The following LXN variants were observed in gnomAD, a reference collection of about 807,000 sequenced individuals.
LXN encodes the protein latexin.
In LXN, 28 loss-of-function variants were observed where a neutral mutation model predicts 29.8. The observed-to-expected ratio is 0.94, with a 90% CI of 0.70 to 1.29. LXN has a LOEUF of 1.29. Ranked by LOEUF, LXN falls within the 50% of genes most tolerant of loss-of-function variation. LXN has a pLI of 0.00. For synonymous variants in LXN, 77 were observed against 89.6 expected, an observed-to-expected ratio of 0.86 and a Z score of 0.80; for missense variants, 227 against 261.7, an observed-to-expected ratio of 0.87 and a Z score of 0.92.
At chr3:158,672,306 C>T (rs750286675) in intron 1 of LXN, 44 bp downstream of exon 1, 1 of 1,607,178 alleles carries the variant, frequency 6.2e-7, no homozygotes, top group Non-Finnish European at 8.5e-7. Context: ...GGAGGGAGCG[C>T]AATCCTGAAG....
chr3:158,667,107 A>G (rs1723776824), intron 4 of LXN, 33 bp from the exon 5 acceptor site: 2 of 1,536,266 alleles, frequency 1.3e-6, no homozygotes, highest in African/African-American at 2.8e-5. Context: ...GTTGTTTAAA[A>G]CTTAATATCT....
chr3:158,669,256 T>C (rs1044031756), intron 3 of LXN, 124 bp from the exon 4 acceptor site: 1 of 1,223,866 alleles, frequency 8.2e-7, no homozygotes, highest in Non-Finnish European at 1.1e-6. Context: ...TTAATTAAGC[T>C]ATGGATCTAT....
rs1033812532 is a variant in LXN at position 158,672,203 on chromosome 3, C to G, written c.129+147G>C. 3.0e-6 allele frequency: 3 copies of G among 1,002,112 alleles called. No individual in the cohort carries two copies. The African/African-American group carries it at 4.8e-5, about 16-fold the overall frequency. The allele number at this position is 1,002,112 out of a possible 1,614,324, so 62.1% of individuals were successfully genotyped here. ...CATTCCCCCAGAAACCTTAATATCT[C>G]AAGACCAGATACCAGCAGTGTGTCC... On this transcript the variant is annotated intron_variant, in intron 1 of 5. Transcript: ENST00000264265.
At position 158,672,276 on chromosome 3, in the gene LXN, G is replaced by C. The variant is rs1293555287; in HGVS notation, c.129+74C>G. On this transcript the variant is annotated intron_variant, in intron 1 of 5. Coordinates refer to ENST00000264265, the MANE Select transcript of LXN (RefSeq NM_020169.4). Reference sequence around the variant, plus strand: ...GTGGCACGGAGTGTCTGCACCCAAAGGCTGAGACCGCGGGTGAGTGGAGGG... The same window carrying C: ...GTGGCACGGAGTGTCTGCACCCAAACGCTGAGACCGCGGGTGAGTGGAGGG... The C allele has an allele frequency of 2.5e-6, 4 of 1,583,702 alleles. No individual in the cohort carries two copies. In the African/African-American group the frequency reaches 4.0e-5, roughly 16 times the overall value.
At chr3:158,671,065 C>CA (rs1221836674) in intron 1 of LXN, 46 bp from the exon 2 acceptor site, 4 of 1,440,704 alleles carry the variant, frequency 2.8e-6, no homozygotes, top group Non-Finnish European at 3.7e-6. Context: ...ATTATAACAA[C>CA]ATTATACTTG....
rs772489397 is a variant in LXN at position 158,669,094 on chromosome 3, G to C, written c.409C>G (p.Leu137Val). The C allele has an allele frequency of 5.2e-5, 84 of 1,613,042 alleles. No homozygotes were observed. The Admixed American group carries it at 1.4e-3, about 27-fold the overall frequency. ...GNVSPEMTLVLHLAWVACGYI... is the reference protein window; with the variant it reads ...GNVSPEMTLVVHLAWVACGYI... ...CCACAGGCAACCCAGGCTAAATGTA[G>C]AACGAGCGTCATTTCTGGAGATACA... The change falls in exon 4 of 6, where the codon CTA (leucine) becomes GTA (valine). Residue 137 changes from leucine to valine, a missense_variant. Leu to Val is a conservative substitution (Grantham distance 32). Coordinates refer to ENST00000264265, the MANE Select transcript of LXN (RefSeq NM_020169.4).
In LXN at chr3:158,672,336, C is replaced by T. The variant is rs188844384; in HGVS notation, c.129+14G>A. The stretch of plus-strand genomic sequence containing the variant: ...CTGAAGCCTCTGCTGTCCACCACCC[C>T]CTGCTAAACTCACCTCCATGCTGGC... On this transcript the variant is annotated intron_variant, in intron 1 of 5. Coordinates refer to ENST00000264265, the MANE Select transcript of LXN (RefSeq NM_020169.4). 5.5e-4 allele frequency: 881 copies of T among 1,613,238 alleles called. No homozygotes were observed. Among genetic ancestry groups the T allele is most frequent in the Non-Finnish European group, 5.9e-4 (696 of 1,179,428 alleles).
chr3:158,669,613 G>A lies in LXN; in HGVS notation c.193-3C>T, dbSNP rs377765602. On this transcript the variant is annotated splice_polypyrimidine_tract_variant and splice_region_variant and intron_variant, in intron 2 of 5. Transcript: ENST00000264265. ...GCTGTGCAGTTCACCTTAACTTGCT[G>A]TTTGAAATTTAGCAAAATATCCTTA... is the stretch of plus-strand genomic sequence containing the variant. 1 of 1,612,714 alleles carries A rather than the reference G, an allele frequency of 6.2e-7. No individual in the cohort carries two copies. The highest frequency in any genetic ancestry group is 2.2e-5 in the East Asian group (1 of 44,842).
chr3:158,671,145 C>G lies in LXN; in HGVS notation c.130-126G>C, dbSNP rs947199706. On this transcript the variant is annotated intron_variant, in intron 1 of 5. Coordinates refer to ENST00000264265, the MANE Select transcript of LXN (RefSeq NM_020169.4). ...AAGGGGAATGGTGAAAGCCTTAGGT[C>G]TTGAAAAAGGCATGTCACCATGAAT... The G allele has an allele frequency of 4.1e-6, 5 of 1,223,348 alleles. No individual in the cohort carries two copies. The Admixed American group carries it at 1.7e-4, about 41-fold the overall frequency. 75.8% of individuals were successfully genotyped at this position (1,223,348 alleles called of 1,614,324 possible).
chr3:158,666,672 G>T lies in LXN; in HGVS notation c.643C>A (p.Leu215Met). The part of the protein sequence containing the change: ...YGTKVKHNSR[L>M]PKEVQLE Reference sequence around the variant, plus strand: ...TATTCCAGTTGTACTTCCTTTGGCAGACGGCTATTATGTTTTACTTTAGTG... The same window carrying T: ...TATTCCAGTTGTACTTCCTTTGGCATACGGCTATTATGTTTTACTTTAGTG... Residue 215 changes from leucine (L) to methionine (M), a missense_variant, in exon 6 of 6, where the codon CTG becomes ATG. Physicochemically the swap from Leu to Met is conservative, Grantham distance 15. Transcript: ENST00000264265. The T allele has an allele frequency of 6.2e-7, 1 of 1,613,922 alleles. No homozygotes were observed.
At chr3:158,670,123 A>G (rs997581189) in intron 2 of LXN, among the ~76,000 whole-genome samples, 4 of 152,210 alleles carry the variant, frequency 2.6e-5, no homozygotes, top group Admixed American at 1.3e-4. Flanking sequence ...CTCTTTATGA[A>G]TTATGCTCAA....
At chr3:158,672,116 A>T (rs1724379038) in intron 1 of LXN, among the ~76,000 whole-genome samples, 1 of 152,106 alleles carries the variant, frequency 6.6e-6, no homozygotes, top group Admixed American at 6.5e-5. Flanking sequence ...TGTGCGTAAA[A>T]ACTTTGTCTC....
Position 158,672,563 on chromosome 3 carries a change from G to C in LXN, c.-85C>G. 6.4e-7 allele frequency: 1 copy of C among 1,554,404 alleles called. No individual in the cohort carries two copies. Among genetic ancestry groups the C allele is most frequent in the Non-Finnish European group, 8.8e-7 (1 of 1,141,226 alleles). ...AGCGCCGCCCGTCCTGCTTGCTGCTGGGTCCGGTTGCCGAGGCGGAAAAGT... is the reference window on the plus strand; with the variant it reads ...AGCGCCGCCCGTCCTGCTTGCTGCTCGGTCCGGTTGCCGAGGCGGAAAAGT... On this transcript the variant is annotated 5_prime_UTR_variant, in exon 1 of 6. Coordinates refer to ENST00000264265, the MANE Select transcript of LXN (RefSeq NM_020169.4).
chr3:158,667,494 CT>C (rs1723822746), intron 4 of LXN, among the ~76,000 whole-genome samples: 1 of 152,144 alleles, frequency 6.6e-6, no homozygotes, highest in African/African-American at 2.4e-5. Context: ...TTTTTGAAAA[CT>C]GAAAATAAGG....
chr3:158,668,948 C>G (rs1492909), intron 4 of LXN, 48 bp downstream of exon 4: 9 of 1,453,990 alleles, frequency 6.2e-6, no homozygotes, highest in South Asian at 1.2e-5. Context: ...ACAATACTTT[C>G]GATAAATATT....
rs944328743 is a variant in LXN at position 158,666,528 on chromosome 3, A to G, written c.*118T>C. 1.7e-4 allele frequency: 201 copies of G among 1,169,166 alleles called. No individual in the cohort carries two copies. The highest frequency in any genetic ancestry group is 2.5e-4 in the Non-Finnish European group (195 of 787,936). The allele number at this position is 1,169,166 out of a possible 1,614,324, so 72.4% of individuals were successfully genotyped here. On this transcript the variant is annotated 3_prime_UTR_variant, in exon 6 of 6. Transcript: ENST00000264265. The stretch of plus-strand genomic sequence containing the variant: ...GGACTCTATAAAGTTCTATACTGTA[A>G]TCAAGACATTTATATAAAGTGACAC...
In LXN at chr3:158,667,047, C is replaced by A; in HGVS notation, c.535G>T (p.Asp179Tyr). 6.3e-7 allele frequency: 1 copy of A among 1,594,582 alleles called. No individual in the cohort carries two copies. The highest frequency in any genetic ancestry group is 1.2e-5 in the South Asian group (1 of 86,026). Residue 179 changes from aspartate (D) to tyrosine (Y), a missense_variant, in exon 5 of 6, where the codon GAC becomes TAC. Transcript: ENST00000264265. ...VQRNDDFIEL[D>Y]YTILLHNIAS... The stretch of plus-strand genomic sequence containing the variant: ...ATATTATGAAGTAGAATGGTGTAGT[C>A]TAATTCAATAAAGTCATCATTTCTT...
At position 158,669,715 on chromosome 3, in the gene LXN, T is replaced by G. The variant is rs548229537; in HGVS notation, c.193-105A>C. On this transcript the variant is annotated intron_variant, in intron 2 of 5. Coordinates refer to ENST00000264265, the MANE Select transcript of LXN (RefSeq NM_020169.4). ...GCATAGGCTCCTAATGGTGTTGTTTTAGACTAGACTTCAAAGTGCTTGTTT... is the reference window on the plus strand; with the variant it reads ...GCATAGGCTCCTAATGGTGTTGTTTGAGACTAGACTTCAAAGTGCTTGTTT... The G allele has an allele frequency of 6.8e-5, 73 of 1,081,280 alleles. No individual in the cohort carries two copies. The South Asian group carries it at 9.3e-4, about 14-fold the overall frequency. 67.0% of individuals were successfully genotyped at this position (1,081,280 alleles called of 1,614,324 possible). A position where few individuals can be genotyped will look rare whatever the true frequency, so the allele number is the denominator to read the frequency against.
Position 158,666,784 on chromosome 3 carries a change from A to T in LXN, c.571-40T>A, listed in dbSNP as rs1576758275. ...AATTAATGCCATGATAAAATTCAGA[A>T]AACATTTAGGAAAACGTAGTTGGGT... On this transcript the variant is annotated intron_variant, in intron 5 of 5. Coordinates refer to ENST00000264265, the MANE Select transcript of LXN (RefSeq NM_020169.4). 6 of 1,573,180 alleles carry T rather than the reference A, an allele frequency of 3.8e-6. No homozygotes were observed. In the East Asian group the frequency reaches 1.3e-4, roughly 35 times the overall value.
Sources: gnomAD v4.1 joint callset for allele counts (sites outside exome capture counted in the v4.1 genomes callset) on GRCh38, gnomAD v4.1.1 for gene constraint, MANE v1.5 for transcripts, NCBI Gene and HGNC (gene_info 2026-07-23, HGNC 2026-07-21) for gene names.